NINJ2: variants seen among roughly 807,000 people sequenced by gnomAD.
NINJ2 encodes the protein ninjurin-2.
NINJ2 carries 12 observed loss-of-function variants against 11.7 expected under a neutral mutation model. That is an observed-to-expected ratio of 1.02 (90% CI 0.66 to 1.66). The LOEUF is 1.66. Ranked by LOEUF, NINJ2 falls within the 40% of genes most tolerant of loss-of-function variation. NINJ2 has a pLI of 0.00. For missense variants in NINJ2, 187 were observed against 181.8 expected, an observed-to-expected ratio of 1.03 and a Z score of -0.16; for synonymous variants, 93 against 76.8, an observed-to-expected ratio of 1.21 and a Z score of -1.10.
chr12:570,047 A>G (rs890935445), intron 1 of NINJ2, among the ~76,000 whole-genome samples: 2 of 152,250 alleles, frequency 1.3e-5, no homozygotes, highest in Non-Finnish European at 1.5e-5. Flanking sequence ...TCCGAGGCCC[A>G]GGACGGGAGC....
At chr12:623,441 G>A (rs553426066) in intron 1 of NINJ2, among the ~76,000 whole-genome samples, 2 of 152,350 alleles carry the variant, frequency 1.3e-5, no homozygotes, top group South Asian at 2.1e-4. Flanking sequence ...AGTGCTGTGA[G>A]TCTCTGAATG....
rs568797675 is a variant in NINJ2 at position 652,028 on chromosome 12, T to C, written c.33+11300A>G. Among the ~76,000 whole-genome samples the C allele has an allele frequency of 2.0e-4, 30 of 152,240 alleles. No individual in the cohort carries two copies. In the South Asian group the frequency reaches 5.8e-3, roughly 29 times the overall value. On this transcript the variant is annotated intron_variant, in intron 1 of 3. Transcript: ENST00000305108. ...GGCAGAAAGGAACAGAAAAAATATT[T>C]GAAACAATAATGACTGAGCATTTCT...
intron 1 of NINJ2, among the ~76,000 whole-genome samples, chr12:595,435 T>C (rs1319136424): frequency 6.6e-6 from 1 of 152,136 alleles, no homozygotes; most frequent in East Asian, 1.9e-4. Flanking sequence ...TAAAAGACAA[T>C]GTGAAGAGAA....
intron 1 of NINJ2, among the ~76,000 whole-genome samples, chr12:566,909 A>G (rs1947308382): frequency 6.6e-6 from 1 of 152,254 alleles, no homozygotes; most frequent in East Asian, 1.9e-4. Flanking sequence ...CAGAATCACA[A>G]TACAGGGCAT....
Position 628,379 on chromosome 12 carries a change from G to A in NINJ2, c.33+34949C>T, listed in dbSNP as rs779930399. Among the ~76,000 whole-genome samples, 2 of 152,070 alleles carry A rather than the reference G, an allele frequency of 1.3e-5. No homozygotes were observed. Among genetic ancestry groups the A allele is most frequent in the Non-Finnish European group, 1.5e-5 (1 of 67,982 alleles). ...GAGCCAGGTCTTTCCGTTCTTCTGCGTCTCCTCACAGCGTCACCTACAAGG... is the reference window on the plus strand; with the variant it reads ...GAGCCAGGTCTTTCCGTTCTTCTGCATCTCCTCACAGCGTCACCTACAAGG... On this transcript the variant is annotated intron_variant, in intron 1 of 3. Transcript: ENST00000305108. This position sits in a 1 kb window ranked among gnomAD's most constrained non-coding sequence, Gnocchi z 4.4.
intron 1 of NINJ2, among the ~76,000 whole-genome samples, chr12:630,644 T>C (rs1456537214): frequency 6.6e-6 from 1 of 152,254 alleles, no homozygotes; most frequent in Non-Finnish European, 1.5e-5. Context: ...CCCAAAATGC[T>C]GGGATCACAG....
intron 1 of NINJ2, among the ~76,000 whole-genome samples, chr12:601,343 G>C (rs961555493): frequency 9.6e-5 from 14 of 145,900 alleles, no homozygotes; most frequent in African/African-American, 3.3e-4. Flanking sequence ...TCAGGAGATC[G>C]AGACCATCCT....
chr12:608,788 C>G (rs1947973973), intron 1 of NINJ2, among the ~76,000 whole-genome samples: 1 of 152,182 alleles, frequency 6.6e-6, no homozygotes, highest in Non-Finnish European at 1.5e-5. Context: ...CGTCCTGATG[C>G]TGCCACCTGG....
At chr12:653,732 G>T (rs556082495) in intron 1 of NINJ2, among the ~76,000 whole-genome samples, 1 of 152,234 alleles carries the variant, frequency 6.6e-6, no homozygotes, top group African/African-American at 2.4e-5. Flanking sequence ...AGCAAAGAAT[G>T]AGGGTAACAA....
At chr12:625,610 G>A (rs1055511282) in intron 1 of NINJ2, among the ~76,000 whole-genome samples, 1 of 152,158 alleles carries the variant, frequency 6.6e-6, no homozygotes, top group African/African-American at 2.4e-5. Context: ...AGCCAAAAGG[G>A]ACCTTGGCCT....
chr12:620,852 A>G (rs989189967), intron 1 of NINJ2, among the ~76,000 whole-genome samples: 3 of 151,232 alleles, frequency 2.0e-5, no homozygotes, highest in African/African-American at 7.3e-5. Context: ...CTGGTCTTAA[A>G]CTCCTGACCT....
intron 1 of NINJ2, among the ~76,000 whole-genome samples, chr12:658,897 G>A (rs1382181395): frequency 2.0e-5 from 3 of 151,896 alleles, no homozygotes; most frequent in Admixed American, 2.0e-4. Context: ...CCATTTTGGT[G>A]GAGGAAGTTG....
chr12:605,459 C>T (rs1170545044), intron 1 of NINJ2, among the ~76,000 whole-genome samples: 1 of 152,238 alleles, frequency 6.6e-6, no homozygotes, highest in African/African-American at 2.4e-5. Flanking sequence ...ATTTGGGAGG[C>T]TGAGGCCGGA....
chr12:637,752 A>C (rs1383951488), intron 1 of NINJ2, among the ~76,000 whole-genome samples: 1 of 152,194 alleles, frequency 6.6e-6, no homozygotes. Context: ...GCTTTGACAC[A>C]ACCCAATTCC....
intron 1 of NINJ2, among the ~76,000 whole-genome samples, chr12:600,380 C>T (rs1565630159): frequency 6.6e-6 from 1 of 152,050 alleles, no homozygotes; most frequent in South Asian, 2.1e-4. Flanking sequence ...TGGTGAAACC[C>T]CATCTCTACT....
At position 663,367 on chromosome 12, in the gene NINJ2, G is replaced by A; in HGVS notation, c.-7C>T. 2 of 1,614,156 alleles carry A rather than the reference G, an allele frequency of 1.2e-6. No individual in the cohort carries two copies. Among genetic ancestry groups the A allele is most frequent in the Non-Finnish European group, 1.7e-6 (2 of 1,180,026 alleles). On this transcript the variant is annotated 5_prime_UTR_variant, in exon 1 of 4. Transcript: ENST00000305108. ...TTTCTCTTGCTGATTCCATCTCGCT[G>A]CCCTCAAGTCCCTTCACACGCACCG...
chr12:636,785 C>T (rs1361313257), intron 1 of NINJ2, among the ~76,000 whole-genome samples: 1 of 152,156 alleles, frequency 6.6e-6, no homozygotes, highest in African/African-American at 2.4e-5. Context: ...TCATGCATGA[C>T]TGGTGAGAAC....
chr12:627,961 C>T (rs922527234), intron 1 of NINJ2, among the ~76,000 whole-genome samples: 19 of 152,230 alleles, frequency 1.2e-4, no homozygotes. Context: ...TCTCAATCAG[C>T]TAGGCCAAGT....
chr12:651,780 G>A (rs189999865), intron 1 of NINJ2, among the ~76,000 whole-genome samples: 1 of 152,226 alleles, frequency 6.6e-6, no homozygotes, highest in Non-Finnish European at 1.5e-5. Context: ...AGAAACGCCA[G>A]AGGTCAAAAC....
Sources: allele counts gnomAD v4.1 joint callset (sites outside exome capture counted in the v4.1 genomes callset), GRCh38; gene constraint gnomAD v4.1.1; non-coding constraint Gnocchi (gnomAD v3.1); transcripts MANE v1.5; gene names NCBI Gene and HGNC (gene_info 2026-07-23, HGNC 2026-07-21).